The following CSMD1 variants were observed in gnomAD, a reference collection of about 807,000 sequenced individuals.
CSMD1 encodes the protein CUB and sushi domain-containing protein 1.
A neutral mutation model predicts 417.5 loss-of-function variants in CSMD1; 213 were observed. The observed-to-expected ratio is 0.51, with a 90% CI of 0.46 to 0.57. The LOEUF (loss-of-function observed/expected upper bound fraction) is 0.57, where lower values mean the gene tolerates loss of function less well. Among genes scored for constraint, CSMD1 ranks in the 20% least tolerant of loss-of-function variants. The pLI is 0.00. For synonymous variants in CSMD1, 2,862 were observed against 1,736.8 expected, an observed-to-expected ratio of 1.65 and a Z score of -16.11; for missense variants, 6,923 against 4,529.7, an observed-to-expected ratio of 1.53 and a Z score of -15.17.
At chr8:4,644,298 T>TG (rs1264187801) in intron 1 of CSMD1, among the ~76,000 whole-genome samples, 3 of 152,304 alleles carry the variant, frequency 2.0e-5, no homozygotes, top group South Asian at 4.1e-4. Context: ...AAATGAGCTT[T>TG]GCCCAGATTT....
At chr8:4,180,210 A>T (rs1187206180) in intron 3 of CSMD1, among the ~76,000 whole-genome samples, 2 of 152,220 alleles carry the variant, frequency 1.3e-5, no homozygotes, top group East Asian at 3.9e-4. Flanking sequence ...GGATTAAGAA[A>T]ATGTGGCACA....
intron 1 of CSMD1, among the ~76,000 whole-genome samples, chr8:4,726,146 G>T (rs1316580731): frequency 6.6e-6 from 1 of 152,102 alleles, no homozygotes; most frequent in African/African-American, 2.4e-5. Flanking sequence ...CGAGCCATTT[G>T]CATCCAGATG....
chr8:3,296,719 C>G (rs536341698), intron 25 of CSMD1, among the ~76,000 whole-genome samples: 2 of 152,024 alleles, frequency 1.3e-5, no homozygotes, highest in African/African-American at 4.8e-5. Context: ...AAGAGGTGTG[C>G]GTGAGGTGAG....
chr8:3,229,649 G>T (rs922764098), intron 27 of CSMD1, among the ~76,000 whole-genome samples: 7 of 152,118 alleles, frequency 4.6e-5, no homozygotes, highest in African/African-American at 1.4e-4. Context: ...CATCTAAAAA[G>T]AGAAAGTACT....
chr8:4,453,547 A>G (rs527343677), intron 2 of CSMD1, among the ~76,000 whole-genome samples: 3 of 152,302 alleles, frequency 2.0e-5, no homozygotes, highest in East Asian at 1.9e-4. Context: ...AGCCGACAGA[A>G]TAACTTGGGC....
intron 3 of CSMD1, among the ~76,000 whole-genome samples, chr8:4,216,398 T>C (rs984331942): frequency 3.9e-5 from 6 of 152,210 alleles, no homozygotes; most frequent in African/African-American, 4.8e-5. Flanking sequence ...GTGTGTACTA[T>C]TGTGTGCATG....
chr8:4,550,154 C>T lies in CSMD1; in HGVS notation c.302+87188G>A, dbSNP rs577489874. On this transcript the variant is annotated intron_variant, in intron 2 of 69. Coordinates refer to ENST00000635120, the MANE Select transcript of CSMD1 (RefSeq NM_033225.6). ...TTTTCTGCTTGGTGTGGCCACATGA[C>T]GAAGGTCTCAGCAAAAGAAGTTCAT... 8.2e-4 allele frequency among the ~76,000 whole-genome samples: 124 copies of T among 151,838 alleles called. 1 individual carries two copies. The highest frequency in any genetic ancestry group is 3.4e-3 in the Middle Eastern group (1 of 292).
chr8:3,625,081 T>TA (rs398112120), intron 7 of CSMD1, among the ~76,000 whole-genome samples: 3 of 152,024 alleles, frequency 2.0e-5, no homozygotes, highest in Middle Eastern at 3.4e-3. Context: ...GTTTTTTTTT[T>TA]ATTTTTTGCT....
At chr8:4,123,173 A>G (rs529921749) in intron 3 of CSMD1, among the ~76,000 whole-genome samples, 15 of 152,372 alleles carry the variant, frequency 9.8e-5, no homozygotes, top group African/African-American at 3.4e-4. Flanking sequence ...GATGTTTTTT[A>G]TAACTCGGCT....
At chr8:3,015,012 C>T (rs949103614) in intron 52 of CSMD1, among the ~76,000 whole-genome samples, 5 of 151,678 alleles carry the variant, frequency 3.3e-5, no homozygotes, top group Non-Finnish European at 5.9e-5. Flanking sequence ...ATGTGTGTAA[C>T]GAAAATCTCA....
intron 4 of CSMD1, among the ~76,000 whole-genome samples, chr8:4,019,550 G>A (rs992276303): frequency 6.6e-6 from 1 of 152,152 alleles, no homozygotes; most frequent in Non-Finnish European, 1.5e-5. Flanking sequence ...TTCCCTCTGT[G>A]CCTGAGCTGT....
chr8:3,801,202 A>T (rs929757860), intron 5 of CSMD1, among the ~76,000 whole-genome samples: 3 of 152,082 alleles, frequency 2.0e-5, no homozygotes, highest in African/African-American at 7.2e-5. Context: ...ATATTTGCAA[A>T]TACTACATCC....
intron 7 of CSMD1, among the ~76,000 whole-genome samples, chr8:3,663,688 C>T (rs1463931579): frequency 2.0e-5 from 3 of 152,148 alleles, no homozygotes; most frequent in African/African-American, 4.8e-5. Flanking sequence ...GAACTGGAAA[C>T]CCCTTCTCTG....
At chr8:4,466,004 G>C (rs1200647479) in intron 2 of CSMD1, among the ~76,000 whole-genome samples, 2 of 152,214 alleles carry the variant, frequency 1.3e-5, no homozygotes, top group Admixed American at 6.5e-5. Context: ...AGACATTAAA[G>C]ATGTGCAATC....
chr8:3,186,258 G>A (rs1821752676), intron 36 of CSMD1, among the ~76,000 whole-genome samples: 1 of 152,170 alleles, frequency 6.6e-6, no homozygotes, highest in South Asian at 2.1e-4. Flanking sequence ...GGTACTTTAA[G>A]AAATCACATG....
chr8:4,177,076 G>C (rs188544722), intron 3 of CSMD1, among the ~76,000 whole-genome samples: 2 of 152,122 alleles, frequency 1.3e-5, no homozygotes, highest in East Asian at 3.9e-4. Flanking sequence ...TGCACCAAGC[G>C]GACCTAATAG....
chr8:3,373,925 G>A (rs77693106), intron 18 of CSMD1, among the ~76,000 whole-genome samples: 160 of 151,494 alleles, frequency 1.1e-3, no homozygotes, highest in African/African-American at 3.7e-3. Flanking sequence ...ATATTTTCCT[G>A]GCTGAGTTGA....
intron 10 of CSMD1, among the ~76,000 whole-genome samples, chr8:3,555,856 T>C (rs556577816): frequency 1.3e-5 from 2 of 152,256 alleles, no homozygotes; most frequent in East Asian, 1.9e-4. Context: ...GAAATATACA[T>C]AGTGGAGCAT....
intron 5 of CSMD1, among the ~76,000 whole-genome samples, chr8:3,991,976 C>CA (rs5889007): frequency 1.1e-4 from 16 of 150,642 alleles, no homozygotes; most frequent in South Asian, 4.2e-4. Flanking sequence ...TGTTTTTTTA[C>CA]AAAAAAAATA....
Sources: gnomAD v4.1 joint callset for allele counts (sites outside exome capture counted in the v4.1 genomes callset) on GRCh38, gnomAD v4.1.1 for gene constraint, MANE v1.5 for transcripts, NCBI Gene and HGNC (gene_info 2026-07-23, HGNC 2026-07-21) for gene names.